ZFP64: variants seen among roughly 807,000 people sequenced by gnomAD.
The protein encoded by ZFP64 is ZFP64 zinc finger protein, also known as zinc finger protein 64.
In ZFP64, 14 loss-of-function variants were observed where a neutral mutation model predicts 51.6. The ratio of observed to expected loss-of-function variants is 0.27; its 90% CI spans 0.18 to 0.42. The LOEUF is 0.42. Ranked by LOEUF, ZFP64 falls within the 10% of genes least tolerant of loss-of-function variation. The pLI, the probability that ZFP64 is intolerant of heterozygous loss-of-function variation, is 1.00. For missense variants in ZFP64, 754 were observed against 906.8 expected (o/e 0.83, Z 2.16); for synonymous variants, 375 against 361.4 (o/e 1.04, Z -0.43).
intron 5 of ZFP64, among the ~76,000 whole-genome samples, chr20:52,159,244 A>T (rs1416745070): frequency 6.6e-6 from 1 of 152,214 alleles, no homozygotes; most frequent in East Asian, 1.9e-4. Flanking sequence ...TAACTGATAC[A>T]CCGAAAGAAA....
At chr20:52,114,179 G>T (rs369400930) in intron 5 of ZFP64, among the ~76,000 whole-genome samples, 1 of 152,216 alleles carries the variant, frequency 6.6e-6, no homozygotes, top group Non-Finnish European at 1.5e-5. Flanking sequence ...TATGATTAAA[G>T]AAATGTTAGT....
chr20:52,178,207 T>A (rs544962967), intron 2 of ZFP64, among the ~76,000 whole-genome samples: 3 of 152,216 alleles, frequency 2.0e-5, no homozygotes, highest in Admixed American at 2.0e-4. Flanking sequence ...CTTCAGATGG[T>A]TCTTATGCAC....
downstream of ZFP64, among the ~76,000 whole-genome samples, chr20:52,148,529 C>T (rs767540089): frequency 8.1e-4 from 124 of 152,212 alleles, 1 homozygote; most frequent in Admixed American, 4.6e-4. Context: ...GGCGAAATCT[C>T]GTCTCTACTA....
At chr20:52,084,253 G>A (rs2078840129) in exon 9 of ZFP64, 1 of 336,558 alleles carries the variant, frequency 3.0e-6, no homozygotes, top group African/African-American at 2.1e-5. Context: ...ATTGGAATCC[G>A]TTACGTAGAA....
chr20:52,148,665 C>A (rs1980639880), downstream of ZFP64, among the ~76,000 whole-genome samples: 1 of 150,510 alleles, frequency 6.6e-6, no homozygotes, highest in Non-Finnish European at 1.5e-5. Flanking sequence ...CGCGCCACGG[C>A]ACTCCAGGCT....
chr20:52,161,550 A>C (rs1981810549), intron 4 of ZFP64, among the ~76,000 whole-genome samples: 1 of 150,290 alleles, frequency 6.7e-6, no homozygotes, highest in African/African-American at 2.5e-5. Context: ...ATATCATTAC[A>C]TACCCACAAC....
At position 52,151,767 on chromosome 20, in the gene ZFP64, C is replaced by T. The variant is rs1010608104; in HGVS notation, c.*379G>A. The T allele has an allele frequency of 7.3e-5, 75 of 1,029,382 alleles. No homozygotes were observed. Among genetic ancestry groups the T allele is most frequent in the Non-Finnish European group, 8.5e-5 (73 of 856,400 alleles). The allele number at this position is 1,029,382 out of a possible 1,614,324, so 63.8% of individuals were successfully genotyped here. A position where few individuals can be genotyped will look rare whatever the true frequency, so the allele number is the denominator to read the frequency against. ...ATCCTTAAAAACATTAAGAGCAAACCACGGCCAGGCATGGTGGCTCACACC... is the reference window on the plus strand; with the variant it reads ...ATCCTTAAAAACATTAAGAGCAAACTACGGCCAGGCATGGTGGCTCACACC... On this transcript the variant is annotated 3_prime_UTR_variant, in exon 6 of 6. Coordinates refer to ENST00000216923, the MANE Select transcript of ZFP64 (RefSeq NM_018197.3).
At chr20:52,131,217 G>C (rs1479872916) in intron 5 of ZFP64, among the ~76,000 whole-genome samples, 1 of 148,374 alleles carries the variant, frequency 6.7e-6, no homozygotes, top group Non-Finnish European at 1.5e-5. Context: ...AGAAAAAGAA[G>C]AAAGGAAAAG....
At chr20:52,127,382 C>T (rs1979496428) in intron 5 of ZFP64, among the ~76,000 whole-genome samples, 2 of 151,972 alleles carry the variant, frequency 1.3e-5, no homozygotes, top group African/African-American at 4.8e-5. Flanking sequence ...TTATGATTCC[C>T]ATAATCCCCA....
downstream of ZFP64, among the ~76,000 whole-genome samples, chr20:52,149,020 A>C (rs181635421): frequency 2.4e-3 from 359 of 152,288 alleles, no homozygotes; most frequent in Middle Eastern, 0.014. Flanking sequence ...TAAGAGTTCT[A>C]AGTTCATAGA....
chr20:52,144,602 A>AAAAAAAAAAAAAAAAAAAAAC (rs1980431158), intron 5 of ZFP64, among the ~76,000 whole-genome samples: 1 of 145,224 alleles, frequency 6.9e-6, no homozygotes, highest in Non-Finnish European at 1.5e-5. Context: ...AAAAAAAAAA[A>AAAAAAAAAAAAAAAAAAAAAC]TGCTGAAAGC....
chr20:52,155,289 G>T (rs1246537549), intron 5 of ZFP64, among the ~76,000 whole-genome samples: 1 of 152,212 alleles, frequency 6.6e-6, no homozygotes, highest in Non-Finnish European at 1.5e-5. Flanking sequence ...ACTGTTATCA[G>T]ATTGGTTGCC....
chr20:52,088,697 A>G (rs2078890082), intron 7 of ZFP64: 4 of 1,610,174 alleles, frequency 2.5e-6, no homozygotes, highest in Non-Finnish European at 3.4e-6. Flanking sequence ...GATGGCTACA[A>G]AGATTTGACC....
intron 5 of ZFP64, among the ~76,000 whole-genome samples, chr20:52,138,002 C>A (rs905942617): frequency 6.7e-6 from 1 of 150,260 alleles, no homozygotes. Context: ...ACGGAAAAAC[C>A]CCATCTTTAC....
chr20:52,175,856 CCGCTGCCG>C, intron 2 of ZFP64: 1 of 274,108 alleles, frequency 3.6e-6, no homozygotes, highest in Non-Finnish European at 5.5e-6. Context: ...CCCCGCACCC[CCGCTGCCG>C]CCCCCGCCCC....
chr20:52,102,107 C>CCAAAAAAAAAAAAAAAAAAAAAAAAAAA (rs551838560), intron 5 of ZFP64, among the ~76,000 whole-genome samples: 1 of 63,438 alleles, frequency 1.6e-5, no homozygotes, highest in African/African-American at 6.8e-5. Flanking sequence ...ACTCCATCTC[C>CCAAAAAAAAAAAAAAAAAAAAAAAAAAA]AAAAAAAAAA....
Position 52,085,188 on chromosome 20 carries a change from T to C in ZFP64, c.1307A>G (p.His436Arg), listed in dbSNP as rs776953169. Reference sequence around the variant, plus strand: ...GCACTTGAAAGGCTTCTCCCCCGAGTGCACGATCATGTGCCTTTTCAAGTC... The same window carrying C: ...GCACTTGAAAGGCTTCTCCCCCGAGCGCACGATCATGTGCCTTTTCAAGTC... The change falls in exon 9 of 9, where the codon CAC becomes CGC. Residue 436 changes from histidine to arginine, a missense_variant. Physicochemically the swap from His to Arg is conservative, Grantham distance 29 (BLOSUM62 0). Coordinates refer to the ZFP64 transcript ENST00000361387. This position sits in a 1 kb window ranked among gnomAD's most constrained non-coding sequence, Gnocchi z 4.3. 5 of 1,614,090 alleles carry C rather than the reference T, an allele frequency of 3.1e-6. No homozygotes were observed. Among genetic ancestry groups the C allele is most frequent in the Non-Finnish European group, 4.2e-6 (5 of 1,180,048 alleles).
Position 52,144,494 on chromosome 20 carries a change from C to T in ZFP64, c.763+15629G>A, listed in dbSNP as rs538525340. 1.1e-4 allele frequency among the ~76,000 whole-genome samples: 15 copies of T among 139,974 alleles called. No individual in the cohort carries two copies. The South Asian group carries it at 2.7e-3, about 25-fold the overall frequency. 91.8% of individuals were successfully genotyped at this position (139,974 alleles called of 152,430 possible). A position where few individuals can be genotyped will look rare whatever the true frequency, so the allele number is the denominator to read the frequency against. ...ATTCGGGAGGCTGAGGCAGGAGAAT[C>T]GCTTGAATTCGAGAGGTGGAGGTTG... On this transcript the variant is annotated intron_variant, in intron 5 of 8. Coordinates refer to the ZFP64 transcript ENST00000361387.
At chr20:52,116,668 T>TACATACACATATATAC (rs970743167) in intron 5 of ZFP64, among the ~76,000 whole-genome samples, 6 of 152,192 alleles carry the variant, frequency 3.9e-5, no homozygotes, top group African/African-American at 1.4e-4. Context: ...GGCATATGTG[T>TACATACACATATATAC]ACATACACAT....
Sources: gnomAD v4.1 joint callset for allele counts (sites outside exome capture counted in the v4.1 genomes callset) on GRCh38, gnomAD v4.1.1 for gene constraint, Gnocchi (gnomAD v3.1) non-coding constraint, MANE v1.5 for transcripts, NCBI Gene and HGNC (gene_info 2026-07-23, HGNC 2026-07-21) for gene names.